The following LY6G5C variants were observed in gnomAD, a reference collection of about 807,000 sequenced individuals.
LY6G5C encodes lymphocyte antigen 6 complex locus protein G5c.
A neutral mutation model predicts 10.5 loss-of-function variants in LY6G5C; 6 were observed. The observed-to-expected ratio is 0.57, with a 90% CI of 0.31 to 1.12. The LOEUF (loss-of-function observed/expected upper bound fraction) is 1.12, where lower values mean the gene tolerates loss of function less well. Among genes scored for constraint, LY6G5C ranks in the 50% most tolerant of loss-of-function variants. The pLI is 0.05. For missense variants in LY6G5C, 160 were observed against 185.5 expected (o/e 0.86, Z 0.80); for synonymous variants, 69 against 67.8 (o/e 1.02, Z -0.09).
At position 31,679,008 on chromosome 6, in the gene LY6G5C, A is replaced by G. The variant is rs182117676; in HGVS notation, c.289+93T>C. 4.5e-5 allele frequency: 60 copies of G among 1,325,788 alleles called. No homozygotes were observed. In the African/African-American group the frequency reaches 6.4e-4, roughly 14 times the overall value. The allele number at this position is 1,325,788 out of a possible 1,614,324, so 82.1% of individuals were successfully genotyped here. On this transcript the variant is annotated intron_variant, in intron 2 of 2. Transcript: ENST00000383237. The surrounding 1 kb of genome is among the most constrained non-coding windows in gnomAD (Gnocchi z 4.4). ...CAGGATTGGAGCAATGTCTTATGGG[A>G]TTATGGGAACAAGACTTGGGGTGCA...
In LY6G5C at chr6:31,677,206, A is replaced by AAAAAAG. The variant is rs1274562730; in HGVS notation, c.290-92_290-87dup. 2.1e-5 allele frequency: 29 copies of AAAAAAG among 1,361,366 alleles called. No homozygotes were observed. The Admixed American group carries it at 3.8e-4, about 18-fold the overall frequency. The allele number at this position is 1,361,366 out of a possible 1,614,324, so 84.3% of individuals were successfully genotyped here. ...TCATCCCCACACTCATAAGTCAAAA[A>AAAAAAG]AAAAAGAAAAAGAAAAGATTCCTGT... On this transcript the variant is annotated intron_variant, in intron 2 of 2. Coordinates refer to ENST00000383237, the Ensembl canonical transcript of LY6G5C.
exon 3 of LY6G5C, chr6:31,676,881 T>C: frequency 1.4e-6 from 2 of 1,473,278 alleles, no homozygotes; most frequent in Non-Finnish European, 1.9e-6. Context: ...CTAGAAGTCC[T>C]GGCCAAGCCC....
At chr6:31,678,600 C>T (rs1231401882) in intron 2 of LY6G5C, among the ~76,000 whole-genome samples, 1 of 152,156 alleles carries the variant, frequency 6.6e-6, no homozygotes, top group Non-Finnish European at 1.5e-5. Context: ...GTCAAAGCTG[C>T]GCACCTTGAT....
In LY6G5C at chr6:31,680,305, T is replaced by C. The variant is rs1386884837; in HGVS notation, c.69A>G (p.Gln23=). Residue 23 remains glutamine (Q), a synonymous_variant, in exon 1 of 3, where the codon CAA becomes CAG. Transcript: ENST00000383237. This position sits in a 1 kb window ranked among gnomAD's most constrained non-coding sequence, Gnocchi z 4.5. Reference sequence around the variant, plus strand: ...CTATTAAGAGGACCGTGTAGAGGGCTTGGGGGCTGCTGTGGAAGCACAGGG... The same window carrying C: ...CTATTAAGAGGACCGTGTAGAGGGCCTGGGGGCTGCTGTGGAAGCACAGGG... 5 of 1,611,780 alleles carry C rather than the reference T, an allele frequency of 3.1e-6. No individual in the cohort carries two copies. Among genetic ancestry groups the C allele is most frequent in the Non-Finnish European group, 4.2e-6 (5 of 1,179,946 alleles).
intron 2 of LY6G5C, among the ~76,000 whole-genome samples, chr6:31,678,598 T>C (rs933629857): frequency 1.3e-5 from 2 of 152,152 alleles, no homozygotes; most frequent in Non-Finnish European, 2.9e-5. Context: ...CCGTCAAAGC[T>C]GCGCACCTTG....
chr6:31,676,892 A>G, exon 3 of LY6G5C: 3 of 1,532,964 alleles, frequency 2.0e-6, no homozygotes, highest in Non-Finnish European at 2.7e-6. Context: ...GGCCAAGCCC[A>G]GATAGAAGTC....
In LY6G5C at chr6:31,679,029, G is replaced by A; in HGVS notation, c.289+72C>T. 2 of 1,483,466 alleles carry A rather than the reference G, an allele frequency of 1.3e-6. No individual in the cohort carries two copies. Among genetic ancestry groups the A allele is most frequent in the East Asian group, 4.5e-5 (2 of 44,116 alleles). The allele number at this position is 1,483,466 out of a possible 1,614,324, so 91.9% of individuals were successfully genotyped here. A position where few individuals can be genotyped will look rare whatever the true frequency, so the allele number is the denominator to read the frequency against. ...TGGGATTATGGGAACAAGACTTGGGGTGCAGCTTAGGAGGCTGAGAGAGTT... is the reference window on the plus strand; with the variant it reads ...TGGGATTATGGGAACAAGACTTGGGATGCAGCTTAGGAGGCTGAGAGAGTT... On this transcript the variant is annotated intron_variant, in intron 2 of 2. Transcript: ENST00000383237. The surrounding 1 kb of genome is among the most constrained non-coding windows in gnomAD (Gnocchi z 4.4).
chr6:31,676,838 C>T (rs1455537942), exon 3 of LY6G5C: 5 of 953,004 alleles, frequency 5.2e-6, no homozygotes, highest in Non-Finnish European at 8.1e-6. Context: ...GGTCCAGTGG[C>T]TGGAGGGAGG....
Position 31,679,141 on chromosome 6 carries a change from G to C in LY6G5C, c.249C>G (p.Thr83=). ...GAGTGATGCAGCTGCTGCCAGCTGG[G>C]GTGAGGCAGATGTCAGATCCCAGAA... Residue 83 remains threonine, a synonymous_variant, in exon 2 of 3, where the codon ACC becomes ACG. Coordinates refer to ENST00000383237, the Ensembl canonical transcript of LY6G5C. This position sits in a 1 kb window ranked among gnomAD's most constrained non-coding sequence, Gnocchi z 4.4. 6.2e-7 allele frequency: 1 copy of C among 1,613,002 alleles called. No individual in the cohort carries two copies. The highest frequency in any genetic ancestry group is 1.3e-5 in the African/African-American group (1 of 74,980).
chr6:31,680,242 G>A lies in LY6G5C; in HGVS notation c.121+11C>T. 6.2e-7 allele frequency: 1 copy of A among 1,612,738 alleles called. No individual in the cohort carries two copies. The highest frequency in any genetic ancestry group is 8.5e-7 in the Non-Finnish European group (1 of 1,179,978). On this transcript the variant is annotated intron_variant, in intron 1 of 2. Transcript: ENST00000383237. The surrounding 1 kb of genome is among the most constrained non-coding windows in gnomAD (Gnocchi z 4.5). Reference sequence around the variant, plus strand: ...GCCAGGAGACCCTTCTGAACCCTTGGAGCCACTTACCAAACACCAAGCTCA... The same window carrying A: ...GCCAGGAGACCCTTCTGAACCCTTGAAGCCACTTACCAAACACCAAGCTCA...
At chr6:31,677,906 A>T (rs1802671421) in intron 2 of LY6G5C, among the ~76,000 whole-genome samples, 1 of 151,960 alleles carries the variant, frequency 6.6e-6, no homozygotes, top group Non-Finnish European at 1.5e-5. Flanking sequence ...GTAGCGGGAG[A>T]CTTTGGTTTG....
chr6:31,678,408 G>A (rs1164778626), intron 2 of LY6G5C, among the ~76,000 whole-genome samples: 2 of 152,178 alleles, frequency 1.3e-5, no homozygotes, highest in African/African-American at 2.4e-5. Context: ...TGGGAAGACA[G>A]CTAAGGACCA....
Position 31,679,650 on chromosome 6 carries a change from A to C in LY6G5C, c.122-382T>G. ...GTTTTCTCATCCAGCACACTCCCTA[A>C]CCCTCCCTATTCTATGTTGCCCTCA... is the stretch of plus-strand genomic sequence containing the variant. On this transcript the variant is annotated intron_variant, in intron 1 of 2. Coordinates refer to ENST00000383237, the Ensembl canonical transcript of LY6G5C. The surrounding 1 kb of genome is among the most constrained non-coding windows in gnomAD (Gnocchi z 4.4). The C allele has an allele frequency of 3.5e-6, 1 of 286,644 alleles. No individual in the cohort carries two copies. Among genetic ancestry groups the C allele is most frequent in the South Asian group, 5.2e-5 (1 of 19,248 alleles). 17.8% of individuals were successfully genotyped at this position (286,644 alleles called of 1,614,324 possible).
At position 31,679,613 on chromosome 6, in the gene LY6G5C, C is replaced by A; in HGVS notation, c.122-345G>T. The A allele has an allele frequency of 2.7e-6, 1 of 372,588 alleles. No individual in the cohort carries two copies. Among genetic ancestry groups the A allele is most frequent in the South Asian group, 3.6e-5 (1 of 27,998 alleles). 23.1% of individuals were successfully genotyped at this position (372,588 alleles called of 1,614,324 possible). ...AGGCTGGACTCAGTCTTGTTCTATCCTGTGGATTCTGGTTTTCTCATCCAG... is the reference window on the plus strand; with the variant it reads ...AGGCTGGACTCAGTCTTGTTCTATCATGTGGATTCTGGTTTTCTCATCCAG... On this transcript the variant is annotated intron_variant, in intron 1 of 2. Transcript: ENST00000383237. This position sits in a 1 kb window ranked among gnomAD's most constrained non-coding sequence, Gnocchi z 4.4.
At chr6:31,677,167 A>G in intron 2 of LY6G5C, 47 bp from the exon 3 acceptor site, 1 of 1,589,482 alleles carries the variant, frequency 6.3e-7, no homozygotes, top group Non-Finnish European at 8.6e-7. Flanking sequence ...CCCCAGGAAG[A>G]GCCCCAAATC....
intron 2 of LY6G5C, among the ~76,000 whole-genome samples, chr6:31,678,119 G>A (rs1277948225): frequency 6.6e-6 from 1 of 152,146 alleles, no homozygotes; most frequent in African/African-American, 2.4e-5. Context: ...TCTGTAAAAT[G>A]CACATAGTAA....
intron 2 of LY6G5C, among the ~76,000 whole-genome samples, chr6:31,677,798 T>C (rs748293574): frequency 6.6e-6 from 1 of 152,042 alleles, no homozygotes; most frequent in Non-Finnish European, 1.5e-5. Context: ...AACAGCATAT[T>C]TGTGCAGGGT....
intron 2 of LY6G5C, among the ~76,000 whole-genome samples, chr6:31,678,870 C>T (rs535375591): frequency 2.0e-5 from 3 of 152,020 alleles, no homozygotes; most frequent in African/African-American, 7.2e-5. Context: ...ATCCCAGCTG[C>T]TTGGGAGACT....
At position 31,679,011 on chromosome 6, in the gene LY6G5C, A is replaced by G. The variant is rs1802733035; in HGVS notation, c.289+90T>C. The G allele has an allele frequency of 5.1e-6, 7 of 1,361,840 alleles. No homozygotes were observed. The South Asian group carries it at 8.3e-5, about 16-fold the overall frequency. The allele number at this position is 1,361,840 out of a possible 1,614,324, so 84.4% of individuals were successfully genotyped here. A position where few individuals can be genotyped will look rare whatever the true frequency, so the allele number is the denominator to read the frequency against. ...GATTGGAGCAATGTCTTATGGGATT[A>G]TGGGAACAAGACTTGGGGTGCAGCT... On this transcript the variant is annotated intron_variant, in intron 2 of 2. Coordinates refer to ENST00000383237, the Ensembl canonical transcript of LY6G5C. The surrounding 1 kb of genome is among the most constrained non-coding windows in gnomAD (Gnocchi z 4.4).
Sources: gnomAD v4.1 joint callset for allele counts (sites outside exome capture counted in the v4.1 genomes callset) on GRCh38, gnomAD v4.1.1 for gene constraint, Gnocchi (gnomAD v3.1) non-coding constraint, MANE v1.5 for transcripts, NCBI Gene and HGNC (gene_info 2026-07-23, HGNC 2026-07-21) for gene names.